The following CGNL1 variants were observed in gnomAD, a reference collection of about 807,000 sequenced individuals.
The protein encoded by CGNL1 is cingulin-like protein 1.
In CGNL1, 132 loss-of-function variants were observed where a neutral mutation model predicts 141.2. That is an observed-to-expected ratio of 0.93 (90% CI 0.81 to 1.08). CGNL1 has a LOEUF of 1.08. Ranked by LOEUF, CGNL1 falls within the 50% of genes least tolerant of loss-of-function variation. CGNL1 has a pLI of 0.00. For missense variants in CGNL1, 1,870 were observed against 1,588.6 expected (o/e 1.18, Z -3.01); for synonymous variants, 690 against 622.1 (o/e 1.11, Z -1.63).
Position 57,531,705 on chromosome 15 carries a change from C to G in CGNL1, c.3217C>G (p.Leu1073Val). ...VKQMEDKVSQ[L>V]EMELEEERNN... The stretch of plus-strand genomic sequence containing the variant: ...TCCTTCTTAGGACAAGGTGTCTCAA[C>G]TGGAGATGGAACTGGAAGAAGAGAG... The change falls in exon 14 of 19, where the codon CTG becomes GTG. Residue 1073 changes from leucine to valine, a missense_variant. By Grantham distance (32) the Leu-to-Val change is conservative (BLOSUM62 1). Transcript: ENST00000281282. The G allele has an allele frequency of 6.2e-7, 1 of 1,612,172 alleles. No individual in the cohort carries two copies. Among genetic ancestry groups the G allele is most frequent in the Non-Finnish European group, 8.5e-7 (1 of 1,178,218 alleles).
At chr15:57,509,794 G>A (rs2030079396) in intron 8 of CGNL1, among the ~76,000 whole-genome samples, 1 of 152,158 alleles carries the variant, frequency 6.6e-6, no homozygotes, top group Admixed American at 6.5e-5. Flanking sequence ...ATTGGTAATT[G>A]GAGCATATGG....
At chr15:57,492,002 T>A (rs574603504) in intron 8 of CGNL1, among the ~76,000 whole-genome samples, 48 of 152,322 alleles carry the variant, frequency 3.2e-4, no homozygotes, top group African/African-American at 1.1e-3. Context: ...TGTAATGTGG[T>A]ATCCTGAATG....
chr15:57,476,414 T>A (rs553217828), intron 8 of CGNL1, among the ~76,000 whole-genome samples: 1 of 152,370 alleles, frequency 6.6e-6, no homozygotes, highest in African/African-American at 2.4e-5. Flanking sequence ...CCTTTTATAG[T>A]TTTACCTTAG....
chr15:57,473,799 G>C (rs1413583325), intron 8 of CGNL1, among the ~76,000 whole-genome samples: 5 of 150,896 alleles, frequency 3.3e-5, no homozygotes, highest in African/African-American at 1.2e-4. Context: ...CAAGCCTTCA[G>C]ATGACTATAA....
At chr15:57,533,737 C>T (rs2032091613) in intron 14 of CGNL1, among the ~76,000 whole-genome samples, 1 of 152,240 alleles carries the variant, frequency 6.6e-6, no homozygotes, top group Admixed American at 6.5e-5. Flanking sequence ...GCTCTGGACA[C>T]TTCTTTTTCC....
chr15:57,415,622 C>T (rs2062839792), intron 1 of CGNL1, among the ~76,000 whole-genome samples: 1 of 152,246 alleles, frequency 6.6e-6, no homozygotes, highest in South Asian at 2.1e-4. Context: ...TACCCACCCT[C>T]TTGCAGTAAT....
intron 1 of CGNL1, among the ~76,000 whole-genome samples, chr15:57,421,877 G>A (rs1041827180): frequency 6.6e-6 from 1 of 152,124 alleles, no homozygotes; most frequent in African/African-American, 2.4e-5. Context: ...ATTGTTCCCA[G>A]GCCTAAGTGA....
At chr15:57,524,061 G>T (rs1461252088) in intron 11 of CGNL1, among the ~76,000 whole-genome samples, 2 of 152,166 alleles carry the variant, frequency 1.3e-5, no homozygotes, top group African/African-American at 4.8e-5. Context: ...TACCCAGAAG[G>T]GGTAAAGGCA....
chr15:57,386,124 CTT>C (rs2062479993), intron 1 of CGNL1, among the ~76,000 whole-genome samples: 2 of 152,234 alleles, frequency 1.3e-5, no homozygotes, highest in South Asian at 4.1e-4. Context: ...TTAAACATGA[CTT>C]AACTTCATTT....
At position 57,546,359 on chromosome 15, in the gene CGNL1, G is replaced by C. The variant is rs188683019; in HGVS notation, c.3773+120G>C. The C allele has an allele frequency of 1.9e-4, 232 of 1,238,812 alleles. No individual in the cohort carries two copies. In the African/African-American group the frequency reaches 3.0e-3, roughly 16 times the overall value. 76.7% of individuals were successfully genotyped at this position (1,238,812 alleles called of 1,614,324 possible). On this transcript the variant is annotated intron_variant, in intron 18 of 18. Coordinates refer to ENST00000281282, the MANE Select transcript of CGNL1 (RefSeq NM_032866.5). ...CCAGCTCCTCATTGTTGCTTTTGGGGTTATCGTATCTTAGAGATGAAGGTG... is the reference window on the plus strand; with the variant it reads ...CCAGCTCCTCATTGTTGCTTTTGGGCTTATCGTATCTTAGAGATGAAGGTG...
intron 14 of CGNL1, among the ~76,000 whole-genome samples, chr15:57,539,785 C>G (rs1213756536): frequency 6.6e-6 from 1 of 152,208 alleles, no homozygotes; most frequent in Non-Finnish European, 1.5e-5. Flanking sequence ...GGCACAGCTG[C>G]AGATCCTCCT....
At position 57,452,204 on chromosome 15, in the gene CGNL1, C is replaced by A. The variant is rs1382091448; in HGVS notation, c.1969C>A (p.Gln657Lys). 6.2e-7 allele frequency: 1 copy of A among 1,613,818 alleles called. No homozygotes were observed. The highest frequency in any genetic ancestry group is 1.1e-5 in the South Asian group (1 of 91,048). ...MRANLEELRSQHNEKVEENST... is the reference protein window; with the variant it reads ...MRANLEELRSKHNEKVEENST... The stretch of plus-strand genomic sequence containing the variant: ...AGCAAACCTAGAAGAGCTCCGAAGC[C>A]AACACAACGAAAAGGTGGAGGAGAA... Residue 657 changes from glutamine (Q) to lysine (K), a missense_variant, in exon 6 of 19, where the codon CAA becomes AAA. Physicochemically the swap from Gln to Lys is moderately conservative, Grantham distance 53 (BLOSUM62 1). Coordinates refer to ENST00000281282, the MANE Select transcript of CGNL1 (RefSeq NM_032866.5).
intron 1 of CGNL1, among the ~76,000 whole-genome samples, chr15:57,400,272 C>T (rs957512481): frequency 5.3e-5 from 8 of 152,180 alleles, no homozygotes; most frequent in South Asian, 4.1e-4. Flanking sequence ...GGATTATAGG[C>T]GTGAGCCATT....
At position 57,473,887 on chromosome 15, in the gene CGNL1, CTTCTTCTTCTTCTTTTT is replaced by C. The variant is rs1484144630; in HGVS notation, c.2403+11998_2403+12014del. ...CCTGATTGAGTCACTTCTTCTTCTTCTTCTTCTTCTTCTTTTTTTTTTTTTTTTTTTTTTTTTTCTGA... is the reference window on the plus strand; with the variant it reads ...CCTGATTGAGTCACTTCTTCTTCTTCTTTTTTTTTTTTTTTTTTTTTCTGA... On this transcript the variant is annotated intron_variant, in intron 8 of 18. Transcript: ENST00000281282. Among the ~76,000 whole-genome samples the C allele has an allele frequency of 1.6e-3, 174 of 108,042 alleles. 2 individuals carry two copies. The highest frequency in any genetic ancestry group is 5.3e-3 in the African/African-American group (162 of 30,462). 70.9% of individuals were successfully genotyped at this position (108,042 alleles called of 152,430 possible).
At chr15:57,440,637 G>A (rs1304529092) in intron 3 of CGNL1, among the ~76,000 whole-genome samples, 166 bp downstream of exon 3, 2 of 152,096 alleles carry the variant, frequency 1.3e-5, no homozygotes, top group Admixed American at 6.6e-5. Context: ...TGTCTTGTGT[G>A]GTATGGGGTG....
At chr15:57,546,879 A>G (rs1284564774) in intron 18 of CGNL1, among the ~76,000 whole-genome samples, 4 of 152,116 alleles carry the variant, frequency 2.6e-5, no homozygotes, top group African/African-American at 4.8e-5. Context: ...GTTCTCATCA[A>G]TGGACAGAAG....
intron 8 of CGNL1, among the ~76,000 whole-genome samples, chr15:57,482,991 T>A (rs1352361428): frequency 6.6e-6 from 1 of 152,190 alleles, no homozygotes; most frequent in Non-Finnish European, 1.5e-5. Flanking sequence ...TTCACCACAT[T>A]GCCCAGGCTG....
chr15:57,523,938 G>A (rs1310124125), intron 11 of CGNL1, among the ~76,000 whole-genome samples: 4 of 152,158 alleles, frequency 2.6e-5, no homozygotes, highest in Non-Finnish European at 5.9e-5. Context: ...AATCAGAATC[G>A]ACATCTCTGT....
intron 1 of CGNL1, among the ~76,000 whole-genome samples, chr15:57,429,267 G>C (rs79122930): frequency 1.2e-4 from 18 of 152,100 alleles, no homozygotes; most frequent in Non-Finnish European, 2.1e-4. Context: ...ACTTGACTTG[G>C]GGGGTGGGTA....
Sources: allele counts gnomAD v4.1 joint callset (sites outside exome capture counted in the v4.1 genomes callset), GRCh38; gene constraint gnomAD v4.1.1; transcripts MANE v1.5; gene names NCBI Gene and HGNC (gene_info 2026-07-23, HGNC 2026-07-21).